SLC4A4: variants seen among roughly 807,000 people sequenced by gnomAD.
SLC4A4 encodes the protein electrogenic sodium bicarbonate cotransporter 1.
Under a neutral mutation model 111.5 loss-of-function variants are expected in SLC4A4, and 27 were observed. The ratio of observed to expected loss-of-function variants is 0.24; its 90% CI spans 0.18 to 0.33. The LOEUF is 0.33. SLC4A4 is among the 10% of genes least tolerant of loss of function. The pLI is 1.00. For synonymous variants in SLC4A4, 443 were observed against 463.4 expected, an observed-to-expected ratio of 0.96 and a Z score of 0.57; for missense variants, 909 against 1,315.5, an observed-to-expected ratio of 0.69 and a Z score of 4.78.
chr4:71,339,959 TGTAATC>T (rs1728754429), intron 4 of SLC4A4, among the ~76,000 whole-genome samples: 2 of 151,860 alleles, frequency 1.3e-5, no homozygotes, highest in African/African-American at 2.4e-5. Flanking sequence ...GGCTTGTGCC[TGTAATC>T]ACAGAATTTT....
intron 16 of SLC4A4, among the ~76,000 whole-genome samples, chr4:71,500,351 T>C (rs1422806286): frequency 6.6e-6 from 1 of 152,246 alleles, no homozygotes; most frequent in Non-Finnish European, 1.5e-5. Context: ...TATGTTGAAG[T>C]GTAATGATAG....
intron 2 of SLC4A4, among the ~76,000 whole-genome samples, chr4:71,168,593 C>G (rs1240824783): frequency 1.3e-5 from 2 of 152,046 alleles, no homozygotes; most frequent in Non-Finnish European, 2.9e-5. Flanking sequence ...GCCCTCCCCA[C>G]TTTCCCCCAC....
At chr4:71,234,366 A>C (rs1362298142) in intron 1 of SLC4A4, among the ~76,000 whole-genome samples, 5 of 152,250 alleles carry the variant, frequency 3.3e-5, no homozygotes, top group African/African-American at 1.2e-4. Context: ...AATATACTTT[A>C]TCATTTAATC....
intron 7 of SLC4A4, among the ~76,000 whole-genome samples, chr4:71,439,459 A>G (rs1724493011): frequency 6.8e-6 from 1 of 147,704 alleles, no homozygotes; most frequent in African/African-American, 2.5e-5. Flanking sequence ...AAAAAAAAAA[A>G]AAAAAAAAAA....
intron 6 of SLC4A4, among the ~76,000 whole-genome samples, chr4:71,374,538 A>G (rs1732173027): frequency 6.6e-6 from 1 of 152,214 alleles, no homozygotes; most frequent in African/African-American, 2.4e-5. Flanking sequence ...TAATAAAGGA[A>G]TTAGTTACTG....
chr4:71,089,548 A>G lies in SLC4A4; in HGVS notation c.-64-3182A>G, dbSNP rs1202066300. 2.6e-5 allele frequency among the ~76,000 whole-genome samples: 4 copies of G among 151,732 alleles called. 1 individual carries two copies. Among genetic ancestry groups the G allele is most frequent in the African/African-American group, 9.7e-5 (4 of 41,190 alleles). The stretch of plus-strand genomic sequence containing the variant: ...TGGTTTTATCTACCTTTGGTCTTTG[A>G]TGATGGTGACGTACAGATGGTGTTT... On this transcript the variant is annotated intron_variant, in intron 1 of 26. Coordinates refer to the SLC4A4 transcript ENST00000649996.
intron 2 of SLC4A4, among the ~76,000 whole-genome samples, chr4:71,093,020 A>C (rs886461634): frequency 6.7e-6 from 1 of 149,694 alleles, no homozygotes; most frequent in Admixed American, 6.8e-5. Flanking sequence ...ACTTGAACTC[A>C]GGAGGCGGAG....
intron 2 of SLC4A4, among the ~76,000 whole-genome samples, chr4:71,136,092 T>C (rs918826729): frequency 2.6e-5 from 4 of 152,212 alleles, no homozygotes; most frequent in African/African-American, 9.6e-5. Context: ...TCCCTTTGGA[T>C]GGGCAGCTTT....
intron 22 of SLC4A4, among the ~76,000 whole-genome samples, chr4:71,559,746 A>G (rs991967450): frequency 6.6e-6 from 1 of 151,764 alleles, no homozygotes; most frequent in Non-Finnish European, 1.5e-5. Flanking sequence ...TATGCCAGCT[A>G]TTTTTTTACT....
chr4:71,371,683 C>T (rs1439403245), intron 6 of SLC4A4, among the ~76,000 whole-genome samples: 2 of 152,088 alleles, frequency 1.3e-5, no homozygotes, highest in African/African-American at 4.8e-5. Flanking sequence ...TTCTGTGCCT[C>T]ACAATGGAAG....
At chr4:71,537,938 G>C (rs1010627188) in intron 18 of SLC4A4, among the ~76,000 whole-genome samples, 8 of 152,024 alleles carry the variant, frequency 5.3e-5, no homozygotes, top group African/African-American at 1.9e-4. Flanking sequence ...GCTTCTTCGC[G>C]TGGCTGTTGT....
intron 7 of SLC4A4, among the ~76,000 whole-genome samples, chr4:71,423,922 T>C (rs1176359794): frequency 3.9e-5 from 6 of 152,246 alleles, no homozygotes; most frequent in East Asian, 3.9e-4. Context: ...ATTCAGGACA[T>C]AGGCATGGGC....
At chr4:71,396,247 A>T (rs1305113362) in intron 6 of SLC4A4, among the ~76,000 whole-genome samples, 2 of 152,220 alleles carry the variant, frequency 1.3e-5, no homozygotes, top group Admixed American at 1.3e-4. Flanking sequence ...AAGATTTAAG[A>T]GATCTAGGCC....
chr4:71,493,668 C>T (rs1046411691), intron 15 of SLC4A4, among the ~76,000 whole-genome samples: 29 of 150,892 alleles, frequency 1.9e-4, no homozygotes, highest in Admixed American at 1.7e-3. Flanking sequence ...TCTCTTTCTC[C>T]GTCCCTCTCT....
At chr4:71,356,961 G>A in intron 5 of SLC4A4, 47 bp from the exon 6 acceptor site, 10 of 1,567,418 alleles carry the variant, frequency 6.4e-6, no homozygotes, top group Non-Finnish European at 8.8e-6. Flanking sequence ...AAATAACTTT[G>A]TGGTCTTGTG....
chr4:71,072,071 C>T (rs1741678549), intron 1 of SLC4A4, among the ~76,000 whole-genome samples: 1 of 151,958 alleles, frequency 6.6e-6, no homozygotes, highest in South Asian at 2.1e-4. Flanking sequence ...TGCCTTTTGC[C>T]ATGTGAAATT....
intron 1 of SLC4A4, among the ~76,000 whole-genome samples, chr4:71,067,826 G>A (rs72648743): frequency 0.22 from 32,988 of 151,532 alleles, 3,796 homozygotes; most frequent in South Asian, 0.26. Flanking sequence ...ATAGCTCACC[G>A]CAGCCTTGAC....
At chr4:71,136,099 C>T (rs1223450486) in intron 2 of SLC4A4, among the ~76,000 whole-genome samples, 3 of 152,188 alleles carry the variant, frequency 2.0e-5, no homozygotes, top group Non-Finnish European at 4.4e-5. Flanking sequence ...GGATGGGCAG[C>T]TTTAGAGCCA....
chr4:71,086,264 G>A (rs988955086), intron 1 of SLC4A4, among the ~76,000 whole-genome samples: 5 of 151,236 alleles, frequency 3.3e-5, no homozygotes, highest in African/African-American at 1.2e-4. Context: ...TGTATCCTGA[G>A]ACTTTGCTGA....
Sources: allele counts gnomAD v4.1 joint callset (sites outside exome capture counted in the v4.1 genomes callset), GRCh38; gene constraint gnomAD v4.1.1; transcripts MANE v1.5; gene names NCBI Gene and HGNC (gene_info 2026-07-23, HGNC 2026-07-21).